Variants in TRAF5 observed in about 807,000 individuals in gnomAD.
The protein encoded by TRAF5 is TNF receptor-associated factor 5.
Under a neutral mutation model 64.5 loss-of-function variants are expected in TRAF5, and 48 were observed. That is an observed-to-expected ratio of 0.74 (90% CI 0.59 to 0.95). The LOEUF is 0.95. Among genes scored for constraint, TRAF5 ranks in the 40% least tolerant of loss-of-function variants. TRAF5 has a pLI of 0.00. For missense variants in TRAF5, 545 were observed against 662.8 expected, an observed-to-expected ratio of 0.82 and a Z score of 1.95; for synonymous variants, 206 against 240.5, an observed-to-expected ratio of 0.86 and a Z score of 1.33.
At chr1:211,356,582 C>T (rs1702976134) in intron 4 of TRAF5, 114 bp downstream of exon 4, 1 of 906,926 alleles carries the variant, frequency 1.1e-6, no homozygotes, top group African/African-American at 1.7e-5. Context: ...CAGTGAATTG[C>T]CCTCAAGGAT....
chr1:211,374,180 T>C lies in TRAF5; in HGVS notation c.*1478T>C, dbSNP rs12143280. 6,825 of 152,408 alleles carry C rather than the reference T, an allele frequency of 0.045. 228 individuals carry two copies. The highest frequency in any genetic ancestry group is 0.088 in the Admixed American group (1,347 of 15,298). 9.4% of individuals were successfully genotyped at this position (152,408 alleles called of 1,614,324 possible). On this transcript the variant is annotated 3_prime_UTR_variant, in exon 11 of 11. Coordinates refer to ENST00000261464, the MANE Select transcript of TRAF5 (RefSeq NM_001033910.3). ...ATCTGTATGGGTCTGAAGGTGTATA[T>C]ACAAACTGAGATGAGTCCTTATGAC...
chr1:211,358,461 T>C (rs1005280567), intron 4 of TRAF5: 4 of 137,308 alleles, frequency 2.9e-5, no homozygotes, highest in Non-Finnish European at 6.2e-5. Context: ...TGGGTGACGG[T>C]GCGAGACTCT....
chr1:211,358,475 TA>T (rs556432633), intron 4 of TRAF5: 22,726 of 110,724 alleles, frequency 0.21, 1,784 homozygotes, highest in African/African-American at 0.26. Context: ...AGACTCTGTC[TA>T]AAAAAAAAAA....
At chr1:211,359,815 C>A in intron 4 of TRAF5, 97 bp from the exon 5 acceptor site, 1 of 1,471,594 alleles carries the variant, frequency 6.8e-7, no homozygotes, top group Non-Finnish European at 9.4e-7. Context: ...TGCCCAGCTG[C>A]CCACCCTGTT....
chr1:211,358,409 GGA>G (rs1171430500), intron 4 of TRAF5: 1 of 151,862 alleles, frequency 6.6e-6, no homozygotes, highest in East Asian at 1.9e-4. Context: ...CCTGGGAGGC[GGA>G]GGTTGCAGTG....
rs1314695101 is a variant in TRAF5, at chr1:211,369,433, C to T, written c.790-19C>T. 7 of 1,559,012 alleles carry T rather than the reference C, an allele frequency of 4.5e-6. No homozygotes were observed. The highest frequency in any genetic ancestry group is 2.5e-5 in the South Asian group (2 of 80,000). The stretch of plus-strand genomic sequence containing the variant: ...GTTATATTCAGTGACTTTATTTTTC[C>T]TCACGTTCCTGTTATTAGATTTCTG... On this transcript the variant is annotated intron_variant, in intron 8 of 10. Coordinates refer to ENST00000261464, the MANE Select transcript of TRAF5 (RefSeq NM_001033910.3).
At chr1:211,335,793 T>G (rs1459820321) in intron 1 of TRAF5, among the ~76,000 whole-genome samples, 2 of 152,012 alleles carry the variant, frequency 1.3e-5, no homozygotes, top group African/African-American at 4.8e-5. Context: ...GGTTCTCTGT[T>G]CATATGAGGA....
chr1:211,329,762 A>C (rs1454924257), intron 1 of TRAF5, among the ~76,000 whole-genome samples: 1 of 152,134 alleles, frequency 6.6e-6, no homozygotes, highest in Non-Finnish European at 1.5e-5. Flanking sequence ...TCTGGATAGG[A>C]GTTCTAGCTC....
intron 7 of TRAF5, among the ~76,000 whole-genome samples, chr1:211,363,910 CAAAAAAAAAAAAA>C (rs35539677): frequency 1.2e-5 from 1 of 85,746 alleles, no homozygotes; most frequent in Non-Finnish European, 2.3e-5. Context: ...GACCCTGTCT[CAAAAAAAAAAAAA>C]AAAAAAAAAG....
At chr1:211,346,816 T>TAA (rs1297039551) in intron 1 of TRAF5, among the ~76,000 whole-genome samples, 7 of 152,230 alleles carry the variant, frequency 4.6e-5, no homozygotes, top group Admixed American at 1.3e-4. Flanking sequence ...GTAAAGAATG[T>TAA]AAATGGTGGC....
intron 3 of TRAF5, among the ~76,000 whole-genome samples, 169 bp from the exon 4 acceptor site, chr1:211,356,198 G>A (rs190066601): frequency 6.6e-6 from 1 of 152,212 alleles, no homozygotes; most frequent in Admixed American, 6.5e-5. Flanking sequence ...ATGTATCTGA[G>A]ACAGCCTTTT....
intron 1 of TRAF5, among the ~76,000 whole-genome samples, chr1:211,347,720 G>A (rs1365697118): frequency 6.6e-6 from 1 of 152,188 alleles, no homozygotes; most frequent in Non-Finnish European, 1.5e-5. Context: ...CAAGACATGG[G>A]CCCACACAGC....
chr1:211,369,797 C>T (rs965338258), intron 9 of TRAF5, among the ~76,000 whole-genome samples: 5 of 152,186 alleles, frequency 3.3e-5, no homozygotes, highest in Non-Finnish European at 7.3e-5. Flanking sequence ...TCATGCTCCC[C>T]TCCACTGCTC....
intron 8 of TRAF5, among the ~76,000 whole-genome samples, chr1:211,365,917 G>C (rs953559120): frequency 6.6e-6 from 1 of 152,124 alleles, no homozygotes; most frequent in African/African-American, 2.4e-5. Flanking sequence ...TAAGCACTAT[G>C]GGTTTTATAA....
chr1:211,326,754 CCCGCCCGCGCCCCT>C (rs1014777134), upstream of TRAF5: 143 of 985,254 alleles, frequency 1.5e-4, no homozygotes, highest in African/African-American at 2.0e-3. The surrounding 1 kb of genome is among the most constrained non-coding windows in gnomAD (Gnocchi z 5.0). Flanking sequence ...TTCCCCTGCG[CCCGCCCGCGCCCCT>C]CCGCCCGCGC....
rs578142267 is a variant in TRAF5 at position 211,354,036 on chromosome 1, CTG to C, written c.219-368_219-367del. 2.4e-3 allele frequency among the ~76,000 whole-genome samples: 366 copies of C among 152,320 alleles called. 3 individuals carry two copies. Among genetic ancestry groups the C allele is most frequent in the African/African-American group, 8.3e-3 (347 of 41,574 alleles). On this transcript the variant is annotated intron_variant, in intron 2 of 10. Coordinates refer to ENST00000261464, the MANE Select transcript of TRAF5 (RefSeq NM_001033910.3). ...CCTCATGTGTTTGTGCCTTCAGCACCTGTGTGTTCTGTGCTGTCATGCTGAAG... is the reference window on the plus strand; with the variant it reads ...CCTCATGTGTTTGTGCCTTCAGCACCTGTGTTCTGTGCTGTCATGCTGAAG...
In TRAF5 at chr1:211,360,625, C is replaced by A. The variant is rs1703144521; in HGVS notation, c.544-77C>A. The A allele has an allele frequency of 5.9e-6, 7 of 1,178,148 alleles. No individual in the cohort carries two copies. In the South Asian group the frequency reaches 7.6e-5, roughly 13 times the overall value. 73.0% of individuals were successfully genotyped at this position (1,178,148 alleles called of 1,614,324 possible). A position where few individuals can be genotyped will look rare whatever the true frequency, so the allele number is the denominator to read the frequency against. ...AGAGTAAGCCACGTGACATATAATC[C>A]CCAAAGAGACACAGGTGTAATCACT... On this transcript the variant is annotated intron_variant, in intron 5 of 10. Transcript: ENST00000261464.
At chr1:211,371,565 G>A (rs775386140) in intron 10 of TRAF5, 95 bp downstream of exon 10, 10 of 1,253,160 alleles carry the variant, frequency 8.0e-6, no homozygotes, top group South Asian at 1.4e-5. Flanking sequence ...AGTCACATCT[G>A]TCCAGGATAA....
chr1:211,336,391 TC>T (rs1241799671), intron 1 of TRAF5, among the ~76,000 whole-genome samples: 1 of 152,190 alleles, frequency 6.6e-6, no homozygotes, highest in Non-Finnish European at 1.5e-5. Context: ...GCTTTACTCT[TC>T]CGGTCCTAGT....
Sources: gnomAD v4.1 joint callset for allele counts (sites outside exome capture counted in the v4.1 genomes callset) on GRCh38, gnomAD v4.1.1 for gene constraint, Gnocchi (gnomAD v3.1) non-coding constraint, MANE v1.5 for transcripts, NCBI Gene and HGNC (gene_info 2026-07-23, HGNC 2026-07-21) for gene names.